Variants in ZNF786 observed in about 807,000 individuals in gnomAD.
ZNF786 encodes zinc finger protein 786.
A neutral mutation model predicts 63.1 loss-of-function variants in ZNF786; 56 were observed. That is an observed-to-expected ratio of 0.89 (90% CI 0.72 to 1.11). The LOEUF is 1.11. Ranked by LOEUF, ZNF786 falls within the 50% of genes least tolerant of loss-of-function variation. ZNF786 has a pLI of 0.00. For missense variants in ZNF786, 1,213 were observed against 1,041.8 expected (o/e 1.16, Z -2.26); for synonymous variants, 485 against 406.9 (o/e 1.19, Z -2.31).
chr7:149,074,347 G>A (rs747658324), intron 3 of ZNF786, 39 bp downstream of exon 3: 1 of 1,606,928 alleles, frequency 6.2e-7, no homozygotes, highest in East Asian at 2.2e-5. Flanking sequence ...ATCTGAACAT[G>A]ATGTCTCAAG....
rs756032545 is a variant in ZNF786, at chr7:149,072,329, G to T, written c.443C>A (p.Ala148Asp). The stretch of plus-strand genomic sequence containing the variant: ...GGGGCCGCAGGCTAGTGGTGGAGGA[G>T]CCCTGGCGTCGTGTCTCTGTGGGCT... ...LGSPQRHDAR[A>D]PPPLACGPSE... Residue 148 changes from alanine to aspartate, a missense_variant, in exon 4 of 4, where the codon GCT becomes GAT. By Grantham distance (126) the Ala-to-Asp change is moderately radical. Transcript: ENST00000491431. 6.2e-7 allele frequency: 1 copy of T among 1,613,684 alleles called. No individual in the cohort carries two copies. The highest frequency in any genetic ancestry group is 1.3e-5 in the African/African-American group (1 of 74,908).
At position 149,071,175 on chromosome 7, in the gene ZNF786, C is replaced by G. The variant is rs748517236; in HGVS notation, c.1597G>C (p.Gly533Arg). The G allele has an allele frequency of 1.9e-6, 3 of 1,612,432 alleles. No homozygotes were observed. The highest frequency in any genetic ancestry group is 2.5e-6 in the Non-Finnish European group (3 of 1,179,324). Residue 533 changes from glycine (G) to arginine (R), a missense_variant, in exon 4 of 4, where the codon GGG becomes CGG. Gly to Arg is a moderately radical substitution (Grantham distance 125). Coordinates refer to ENST00000491431, the MANE Select transcript of ZNF786 (RefSeq NM_152411.4). Reference protein sequence around the residue: ...KLREHLRVHSGERPFQCLKCD... With the variant: ...KLREHLRVHSRERPFQCLKCD... ...TTCAGGCACTGGAAGGGCCTCTCCC[C>G]GCTGTGCACTCTCAGGTGCTCACGG...
At chr7:149,088,877 C>T (rs1414287536) in intron 1 of ZNF786, among the ~76,000 whole-genome samples, 3 of 151,720 alleles carry the variant, frequency 2.0e-5, no homozygotes, top group African/African-American at 7.3e-5. Context: ...TTCAGTATTA[C>T]TTTGTGTCTT....
Position 149,071,340 on chromosome 7 carries a change from C to G in ZNF786, c.1432G>C (p.Glu478Gln). Residue 478 changes from glutamate (E) to glutamine (Q), a missense_variant, in exon 4 of 4, where the codon GAG becomes CAG. Glu to Gln is a conservative substitution (Grantham distance 29). Coordinates refer to ENST00000491431, the MANE Select transcript of ZNF786 (RefSeq NM_152411.4). ...CACTCTGGGCACTGAAAGGGCTTCT[C>G]GTCCGTGTGCAGCCGCTGGTGCCGC... ...LLRHQRLHTD[E>Q]KPFQCPECGL... The G allele has an allele frequency of 6.2e-7, 1 of 1,613,250 alleles. No homozygotes were observed.
At chr7:149,088,250 A>C (rs1046138447) in intron 1 of ZNF786, among the ~76,000 whole-genome samples, 4 of 151,870 alleles carry the variant, frequency 2.6e-5, no homozygotes, top group Non-Finnish European at 5.9e-5. Context: ...TGATCTGCCC[A>C]CCTGGACCTC....
At chr7:149,075,745 C>CCTCAACCT (rs5888350) in intron 2 of ZNF786, among the ~76,000 whole-genome samples, 76,566 of 140,826 alleles carry the variant, frequency 0.54, 23,618 homozygotes, top group East Asian at 0.9. Flanking sequence ...CTCATTGCAG[C>CCTCAACCT]CTCAACCTCC....
Position 149,071,873 on chromosome 7 carries a change from G to A in ZNF786, c.899C>T (p.Pro300Leu). The A allele has an allele frequency of 6.2e-7, 1 of 1,600,988 alleles. No homozygotes were observed. Among genetic ancestry groups the A allele is most frequent in the Non-Finnish European group, 8.5e-7 (1 of 1,176,234 alleles). The part of the protein sequence containing the change: ...QQGEKPAQCT[P>L]CGKRSLPVDS... ...CACTGGGAGGGAGCGCTTGCCGCATGGGGTGCACTGGGCAGGCTTCTCCCC... is the reference window on the plus strand; with the variant it reads ...CACTGGGAGGGAGCGCTTGCCGCATAGGGTGCACTGGGCAGGCTTCTCCCC... Residue 300 changes from proline to leucine, a missense_variant, in exon 4 of 4, where the codon CCA becomes CTA. Physicochemically the swap from Pro to Leu is moderately conservative, Grantham distance 98. Coordinates refer to ENST00000491431, the MANE Select transcript of ZNF786 (RefSeq NM_152411.4).
intron 2 of ZNF786, among the ~76,000 whole-genome samples, chr7:149,076,719 G>GGA (rs768654285): frequency 3.9e-5 from 5 of 127,742 alleles, no homozygotes; most frequent in African/African-American, 6.6e-5. Context: ...ACTCCATCTT[G>GGA]AAAAAAAAAA....
rs769977047 is a variant in ZNF786, at chr7:149,071,858, G to A, written c.914C>T (p.Ser305Phe). Residue 305 changes from serine to phenylalanine, a missense_variant, in exon 4 of 4, where the codon TCC becomes TTC. Physicochemically the swap from Ser to Phe is radical, Grantham distance 155. Coordinates refer to ENST00000491431, the MANE Select transcript of ZNF786 (RefSeq NM_152411.4). Reference protein sequence around the residue: ...PAQCTPCGKRSLPVDSTQARR... With the variant: ...PAQCTPCGKRFLPVDSTQARR... ...AGCCTGCGTGCTGTCCACTGGGAGG[G>A]AGCGCTTGCCGCATGGGGTGCACTG... is the stretch of plus-strand genomic sequence containing the variant. 1 of 1,598,566 alleles carries A rather than the reference G, an allele frequency of 6.3e-7. No homozygotes were observed. The highest frequency in any genetic ancestry group is 8.5e-7 in the Non-Finnish European group (1 of 1,176,164).
Position 149,080,724 on chromosome 7 carries a change from T to C in ZNF786, c.19-7A>G. 1.9e-6 allele frequency: 3 copies of C among 1,600,136 alleles called. No homozygotes were observed. The highest frequency in any genetic ancestry group is 2.6e-6 in the Non-Finnish European group (3 of 1,175,446). The stretch of plus-strand genomic sequence containing the variant: ...CCTCAAAAGTCAGAGGTAGCTGAAA[T>C]TGTAGACATAAGACATATGCATTCA... On this transcript the variant is annotated splice_polypyrimidine_tract_variant and splice_region_variant and intron_variant, in intron 1 of 3. Transcript: ENST00000491431.
intron 1 of ZNF786, among the ~76,000 whole-genome samples, chr7:149,089,484 T>C (rs1825795473): frequency 6.6e-6 from 1 of 151,460 alleles, no homozygotes; most frequent in Admixed American, 6.6e-5. Context: ...CTCAGCTAAT[T>C]TTCGTATTTT....
In ZNF786 at chr7:149,080,685, A is replaced by G. The variant is rs1265916752; in HGVS notation, c.51T>C (p.Tyr17=). 2 of 1,611,316 alleles carry G rather than the reference A, an allele frequency of 1.2e-6. No individual in the cohort carries two copies. Among genetic ancestry groups the G allele is most frequent in the Non-Finnish European group, 1.7e-6 (2 of 1,179,352 alleles). ...LPLTFEDVAI[Y]FSEQEWQDLE... ...GATCCTGCCATTCTTGCTCGGAGAA[A>G]TAAATAGCAACATCCTCAAAAGTCA... is the stretch of plus-strand genomic sequence containing the variant. Residue 17 remains tyrosine (Y), a synonymous_variant, in exon 2 of 4, where the codon TAT becomes TAC. Transcript: ENST00000491431.
Position 149,071,964 on chromosome 7 carries a change from T to C in ZNF786, c.808A>G (p.Asn270Asp). 1.2e-6 allele frequency: 2 copies of C among 1,612,160 alleles called. No individual in the cohort carries two copies. The highest frequency in any genetic ancestry group is 1.1e-5 in the South Asian group (1 of 91,066). ...AAHTGRGPFR[N>D]ADGEMCFRHE... ...CGGAAGCACATTTCACCGTCAGCGT[T>C]CCGGAAGGGGCCCCTCCCCGTGTGG... is the stretch of plus-strand genomic sequence containing the variant. Residue 270 changes from asparagine (N) to aspartate (D), a missense_variant, in exon 4 of 4, where the codon AAC becomes GAC. Physicochemically the swap from Asn to Asp is conservative, Grantham distance 23 (BLOSUM62 1). Coordinates refer to ENST00000491431, the MANE Select transcript of ZNF786 (RefSeq NM_152411.4).
In ZNF786 at chr7:149,071,469, C is replaced by T. The variant is rs1425891355; in HGVS notation, c.1303G>A (p.Ala435Thr). 1.3e-6 allele frequency: 2 copies of T among 1,597,232 alleles called. No homozygotes were observed. Among genetic ancestry groups the T allele is most frequent in the African/African-American group, 1.4e-5 (1 of 72,130 alleles). The stretch of plus-strand genomic sequence containing the variant: ...TGCTCCGTGAGTTTACACTGCTTGG[C>T]GAAGCCCTTGCCACACTTCCTGCAG... ...FSCRKCGKGF[A>T]KQCKLTEHIR... The change falls in exon 4 of 4, where the codon GCC (alanine) becomes ACC (threonine). Residue 435 changes from alanine to threonine, a missense_variant. By Grantham distance (58) the Ala-to-Thr change is moderately conservative (BLOSUM62 0). Coordinates refer to ENST00000491431, the MANE Select transcript of ZNF786 (RefSeq NM_152411.4).
chr7:149,071,897 C>G lies in ZNF786; in HGVS notation c.875G>C (p.Gly292Ala), dbSNP rs764886472. 6.2e-7 allele frequency: 1 copy of G among 1,604,278 alleles called. No homozygotes were observed. Among genetic ancestry groups the G allele is most frequent in the Non-Finnish European group, 8.5e-7 (1 of 1,176,666 alleles). Residue 292 changes from glycine to alanine, a missense_variant, in exon 4 of 4, where the codon GGG becomes GCG. By Grantham distance (60) the Gly-to-Ala change is moderately conservative. Transcript: ENST00000491431. The stretch of plus-strand genomic sequence containing the variant: ...TGGGGTGCACTGGGCAGGCTTCTCC[C>G]CCTGCTGCGGGAGGCGGTGGCTGGG... ...THPSHRLPQQ[G>A]EKPAQCTPCG...
chr7:149,082,813 C>T (rs1236120074), intron 1 of ZNF786, among the ~76,000 whole-genome samples: 1 of 151,952 alleles, frequency 6.6e-6, no homozygotes, highest in Non-Finnish European at 1.5e-5. Context: ...CAACTCCTGA[C>T]CTCAAGTCAT....
chr7:149,079,438 C>T (rs1026273008), intron 2 of ZNF786, among the ~76,000 whole-genome samples: 1 of 151,374 alleles, frequency 6.6e-6, no homozygotes, highest in African/African-American at 2.4e-5. Context: ...CAGGAGACTT[C>T]GATCTTTCAC....
intron 1 of ZNF786, among the ~76,000 whole-genome samples, chr7:149,089,058 C>A (rs1345371751): frequency 6.7e-6 from 1 of 149,082 alleles, no homozygotes; most frequent in Non-Finnish European, 1.5e-5. Context: ...CCGGGTTCTC[C>A]CGCCTCAGCC....
At chr7:149,079,340 C>T (rs1825614821) in intron 2 of ZNF786, among the ~76,000 whole-genome samples, 1 of 151,484 alleles carries the variant, frequency 6.6e-6, no homozygotes, top group South Asian at 2.1e-4. Flanking sequence ...ACCCGTAAGG[C>T]GGAGCTTGCA....
Sources: gnomAD v4.1 joint callset for allele counts (sites outside exome capture counted in the v4.1 genomes callset) on GRCh38, gnomAD v4.1.1 for gene constraint, MANE v1.5 for transcripts, NCBI Gene and HGNC (gene_info 2026-07-23, HGNC 2026-07-21) for gene names.